Variants in RBMS3 observed in about 807,000 individuals in gnomAD.
The protein encoded by RBMS3 is RNA-binding motif, single-stranded-interacting protein 3.
A neutral mutation model predicts 66.8 loss-of-function variants in RBMS3; 27 were observed. The ratio of observed to expected loss-of-function variants is 0.40; its 90% CI spans 0.30 to 0.56. The LOEUF (loss-of-function observed/expected upper bound fraction) is 0.56. Among genes scored for constraint, RBMS3 ranks in the 20% least tolerant of loss-of-function variants. The pLI is 0.40. For synonymous variants in RBMS3, 188 were observed against 183.0 expected (o/e 1.03, Z -0.22); for missense variants, 513 against 549.5 (o/e 0.93, Z 0.66).
chr3:29,668,212 G>A (rs1306252538), intron 4 of RBMS3, among the ~76,000 whole-genome samples: 3 of 152,204 alleles, frequency 2.0e-5, no homozygotes, highest in African/African-American at 7.2e-5. Flanking sequence ...AGCAAAGGAT[G>A]ACATAAATCA....
chr3:29,681,161 G>T (rs1281891812), intron 4 of RBMS3, among the ~76,000 whole-genome samples: 1 of 151,936 alleles, frequency 6.6e-6, no homozygotes, highest in African/African-American at 2.4e-5. Context: ...CCTACTTGTT[G>T]GCCTATATAT....
chr3:29,528,327 G>A (rs1208533388), intron 3 of RBMS3, among the ~76,000 whole-genome samples: 1 of 151,964 alleles, frequency 6.6e-6, no homozygotes, highest in Non-Finnish European at 1.5e-5. Context: ...TGACCAGGCT[G>A]GTCTCAAACT....
intron 2 of RBMS3, among the ~76,000 whole-genome samples, chr3:29,478,146 A>C (rs930428349): frequency 3.9e-5 from 6 of 152,224 alleles, no homozygotes; most frequent in Non-Finnish European, 5.9e-5. Context: ...CATTAGCAAC[A>C]TATAACTTCT....
At chr3:29,472,772 G>A (rs1465563779) in intron 2 of RBMS3, among the ~76,000 whole-genome samples, 2 of 152,108 alleles carry the variant, frequency 1.3e-5, no homozygotes, top group Admixed American at 6.6e-5. Context: ...GCTCATAAAG[G>A]CAGTGTGGAC....
chr3:29,868,748 C>A, intron 6 of RBMS3, 110 bp from the exon 7 acceptor site: 1 of 955,494 alleles, frequency 1.0e-6, no homozygotes, highest in Non-Finnish European at 1.6e-6. Flanking sequence ...TCTTCAGAAG[C>A]AAGATGTTAC....
chr3:29,965,361 T>C (rs1201324702), intron 12 of RBMS3, among the ~76,000 whole-genome samples: 1 of 152,180 alleles, frequency 6.6e-6, no homozygotes, highest in Non-Finnish European at 1.5e-5. Context: ...AAGTGTTCCC[T>C]GATTACTGCA....
At chr3:29,930,143 G>T (rs1259878185) in intron 10 of RBMS3, among the ~76,000 whole-genome samples, 2 of 33,802 alleles carry the variant, frequency 5.9e-5, no homozygotes, top group Admixed American at 3.8e-4. Context: ...ATGGAGTCTC[G>T]CTCTGTCTCC....
chr3:29,329,190 T>C (rs995458486), intron 1 of RBMS3, among the ~76,000 whole-genome samples: 1 of 152,136 alleles, frequency 6.6e-6, no homozygotes, highest in African/African-American at 2.4e-5. Flanking sequence ...GTTGGTTTTT[T>C]GTGTTGGGGT....
intron 3 of RBMS3, among the ~76,000 whole-genome samples, chr3:29,548,034 A>G (rs1218044529): frequency 6.6e-6 from 1 of 151,902 alleles, no homozygotes; most frequent in Non-Finnish European, 1.5e-5. Context: ...ACCTCAAGTG[A>G]TCTGCCCGCC....
chr3:29,935,583 A>T (rs1353943210), intron 10 of RBMS3, among the ~76,000 whole-genome samples: 1 of 152,158 alleles, frequency 6.6e-6, no homozygotes, highest in African/African-American at 2.4e-5. Flanking sequence ...TGTCCTTCAA[A>T]GAGATCCAGT....
At chr3:29,706,384 G>A (rs1267878153) in intron 4 of RBMS3, among the ~76,000 whole-genome samples, 1 of 152,116 alleles carries the variant, frequency 6.6e-6, no homozygotes, top group African/African-American at 2.4e-5. Context: ...CTATGATATT[G>A]TCATGATGTC....
chr3:30,002,829 CTG>C (rs1199376013), intron 14 of RBMS3, among the ~76,000 whole-genome samples: 1 of 151,994 alleles, frequency 6.6e-6, no homozygotes, highest in African/African-American at 2.4e-5. Flanking sequence ...GTTTAAAACA[CTG>C]TGAATTGGGG....
At chr3:29,322,264 A>G (rs1037101093) in intron 1 of RBMS3, among the ~76,000 whole-genome samples, 11 of 152,122 alleles carry the variant, frequency 7.2e-5, no homozygotes, top group African/African-American at 2.4e-4. Flanking sequence ...AACTACGGAT[A>G]CGAGAAATTA....
intron 14 of RBMS3, among the ~76,000 whole-genome samples, chr3:29,998,388 C>A (rs529811453): frequency 9.2e-5 from 14 of 151,948 alleles, no homozygotes; most frequent in African/African-American, 2.9e-4. Context: ...CTACCAATGA[C>A]TTTCTTCACA....
Position 29,473,731 on chromosome 3 carries a change from A to G in RBMS3, c.249-14710A>G, listed in dbSNP as rs370555193. The stretch of plus-strand genomic sequence containing the variant: ...CTGGGGGACCCAGTACACCCTCCGC[A>G]GCTGCTGGCCCAGGTACTAAGCCGC... On this transcript the variant is annotated intron_variant, in intron 2 of 14. Transcript: ENST00000383767. 2.4e-4 allele frequency among the ~76,000 whole-genome samples: 36 copies of G among 152,332 alleles called. No homozygotes were observed. In the East Asian group the frequency reaches 6.4e-3, roughly 27 times the overall value.
intron 3 of RBMS3, among the ~76,000 whole-genome samples, chr3:29,543,644 T>C (rs1033109623): frequency 6.6e-6 from 1 of 152,052 alleles, no homozygotes; most frequent in African/African-American, 2.4e-5. Context: ...CAGGAGGTGG[T>C]GGTTGCAGTG....
chr3:29,986,174 C>T (rs6795528), intron 12 of RBMS3, among the ~76,000 whole-genome samples: 33,519 of 151,902 alleles, frequency 0.22, 3,883 homozygotes, highest in East Asian at 0.36. Context: ...GACCAAAGGG[C>T]AGAACATGAG....
intron 5 of RBMS3, 58 bp downstream of exon 5, chr3:29,739,935 T>A (rs2054561268): frequency 7.5e-7 from 1 of 1,330,136 alleles, no homozygotes; most frequent in Non-Finnish European, 9.9e-7. Flanking sequence ...TTAAATTCCA[T>A]TCCTTTTTTA....
intron 1 of RBMS3, among the ~76,000 whole-genome samples, chr3:29,430,086 C>A (rs1029041722): frequency 6.6e-6 from 1 of 151,962 alleles, no homozygotes; most frequent in Non-Finnish European, 1.5e-5. Context: ...GAACTTTCTG[C>A]CAACATTTTG....
Sources: gnomAD v4.1 joint callset for allele counts (sites outside exome capture counted in the v4.1 genomes callset) on GRCh38, gnomAD v4.1.1 for gene constraint, MANE v1.5 for transcripts, NCBI Gene and HGNC (gene_info 2026-07-23, HGNC 2026-07-21) for gene names.